Variants in LCE2A observed in about 807,000 individuals in gnomAD.
The protein encoded by LCE2A is late cornified envelope protein 2A.
For missense variants in LCE2A, 147 were observed against 137.6 expected, an observed-to-expected ratio of 1.07 and a Z score of -0.34; for synonymous variants, 65 against 52.5, an observed-to-expected ratio of 1.24 and a Z score of -1.03.
intron 1 of LCE2A, among the ~76,000 whole-genome samples, 178 bp from the exon 2 acceptor site, chr1:152,698,704 T>A (rs190445088): frequency 1.9e-3 from 288 of 152,304 alleles, no homozygotes; most frequent in Non-Finnish European, 3.2e-3. Flanking sequence ...TTTTCAAGTA[T>A]ATATTTTCAT....
Position 152,699,058 on chromosome 1 carries a change from G to A in LCE2A, c.157G>A (p.Gly53Ser), listed in dbSNP as rs763307251. The change falls in exon 2 of 2, where the codon GGC becomes AGC. Residue 53 changes from glycine to serine, a missense_variant. Transcript: ENST00000368779. ...CCGPSSGGCC[G>S]SSSGGCCSSG... is the part of the protein sequence containing the mutation. The stretch of plus-strand genomic sequence containing the variant: ...TGGTCCCAGCTCTGGGGGCTGCTGC[G>A]GCTCCAGCTCTGGGGGCTGCTGCAG... 18 of 1,612,104 alleles carry A rather than the reference G, an allele frequency of 1.1e-5. 1 individual carries two copies. Among genetic ancestry groups the A allele is most frequent in the African/African-American group, 9.4e-5 (7 of 74,616 alleles).
At position 152,699,001 on chromosome 1, in the gene LCE2A, G is replaced by A. The variant is rs749054230; in HGVS notation, c.100G>A (p.Ala34Thr). Residue 34 changes from alanine (A) to threonine (T), a missense_variant, in exon 2 of 2, where the codon GCC becomes ACC. Physicochemically the swap from Ala to Thr is moderately conservative, Grantham distance 58. Transcript: ENST00000368779. ...CPPKCRPQCP[A>T]PCPPPVSSCC... The stretch of plus-strand genomic sequence containing the variant: ...TCCAAAGTGCCGACCTCAGTGCCCA[G>A]CCCCATGCCCACCTCCAGTCTCTTC... The A allele has an allele frequency of 4.3e-6, 7 of 1,613,936 alleles. No individual in the cohort carries two copies. The highest frequency in any genetic ancestry group is 5.9e-6 in the Non-Finnish European group (7 of 1,180,020).
intron 1 of LCE2A, 127 bp from the exon 2 acceptor site, chr1:152,698,751 ATGTG>A (rs1649497959): frequency 1.4e-6 from 1 of 690,574 alleles, no homozygotes; most frequent in Non-Finnish European, 2.5e-6. Flanking sequence ...GTTGATATAT[ATGTG>A]TGTATGTGTA....
Position 152,698,925 on chromosome 1 carries a change from G to T in LCE2A, c.24G>T (p.Gln8His), listed in dbSNP as rs143843376. Residue 8 changes from glutamine to histidine, a missense_variant, in exon 2 of 2, where the codon CAG (glutamine) becomes CAT (histidine). By Grantham distance (24) the Gln-to-His change is conservative. Coordinates refer to ENST00000368779, the MANE Select transcript of LCE2A (RefSeq NM_178428.4). ...AGATGTCCTGCCAGCAAAACCAGCA[G>T]CAGTGCCAGCCCCCTCCCAAGTGCC... is the stretch of plus-strand genomic sequence containing the variant. Reference protein sequence around the residue: MSCQQNQQQCQPPPKCPP... With the variant: MSCQQNQHQCQPPPKCPP... 6 of 1,614,054 alleles carry T rather than the reference G, an allele frequency of 3.7e-6. No homozygotes were observed. In the African/African-American group the frequency reaches 8.0e-5, roughly 22 times the overall value.
rs983840806 is a variant in LCE2A, at chr1:152,698,946, G to C, written c.45G>C (p.Lys15Asn). 10 of 1,613,918 alleles carry C rather than the reference G, an allele frequency of 6.2e-6. No homozygotes were observed. The East Asian group carries it at 2.2e-4, about 36-fold the overall frequency. ...AGCAGCAGTGCCAGCCCCCTCCCAAGTGCCCCCCAAAATGCCCACCCAAGT... is the reference window on the plus strand; with the variant it reads ...AGCAGCAGTGCCAGCCCCCTCCCAACTGCCCCCCAAAATGCCCACCCAAGT... ...QNQQQCQPPP[K>N]CPPKCPPKCP... Residue 15 changes from lysine to asparagine, a missense_variant, in exon 2 of 2, where the codon AAG becomes AAC. By Grantham distance (94) the Lys-to-Asn change is moderately conservative (BLOSUM62 0). Transcript: ENST00000368779.
At chr1:152,698,793 A>C (rs1039244963) in intron 1 of LCE2A, 89 bp from the exon 2 acceptor site, 3 of 1,096,042 alleles carry the variant, frequency 2.7e-6, no homozygotes, top group Non-Finnish European at 4.1e-6. Context: ...AGTATTATTC[A>C]CCATCACCAT....
Position 152,699,310 on chromosome 1 carries a change from C to T in LCE2A, c.*88C>T, listed in dbSNP as rs539846185. The T allele has an allele frequency of 2.0e-6, 3 of 1,485,520 alleles. No homozygotes were observed. The highest frequency in any genetic ancestry group is 2.7e-5 in the South Asian group (2 of 74,578). 92.0% of individuals were successfully genotyped at this position (1,485,520 alleles called of 1,614,324 possible). A position where few individuals can be genotyped will look rare whatever the true frequency, so the allele number is the denominator to read the frequency against. On this transcript the variant is annotated 3_prime_UTR_variant, in exon 2 of 2. Transcript: ENST00000368779. The stretch of plus-strand genomic sequence containing the variant: ...AGTGATGCTTCTCCTGCCCCTTTTT[C>T]TCCTTTCCTTGGGCTGACACACCTT...
In LCE2A at chr1:152,698,911, C is replaced by T. The variant is rs550978337; in HGVS notation, c.10C>T (p.Gln4Ter). MSC[Q>*]QNQQQCQPPP... is the part of the protein sequence containing the mutation. ...AAAAAGTCGCACTGAGATGTCCTGC[C>T]AGCAAAACCAGCAGCAGTGCCAGCC... Residue 4 changes from glutamine (Q) to a stop codon, truncating the protein, a stop_gained, in exon 2 of 2, where the codon CAG becomes TAG. Transcript: ENST00000368779. LOFTEE classifies it low-confidence loss of function (END_TRUNC). 55 of 1,614,168 alleles carry T rather than the reference C, an allele frequency of 3.4e-5. No homozygotes were observed. Among genetic ancestry groups the T allele is most frequent in the Non-Finnish European group, 4.5e-5 (53 of 1,180,024 alleles).
intron 1 of LCE2A, 36 bp downstream of exon 1, chr1:152,698,430 A>G: frequency 5.9e-6 from 1 of 169,326 alleles, no homozygotes; most frequent in Non-Finnish European, 1.3e-5. Flanking sequence ...GGCACAGGGG[A>G]ATGGGAAGAT....
rs566647353 is a variant in LCE2A, at chr1:152,699,414, A to G, written c.*192A>G. On this transcript the variant is annotated 3_prime_UTR_variant, in exon 2 of 2. Coordinates refer to ENST00000368779, the MANE Select transcript of LCE2A (RefSeq NM_178428.4). ...TTACCTTCCCACTTTACCTCATACAACAATAAAGCTCTTTTGCCTCTTCGT... is the reference window on the plus strand; with the variant it reads ...TTACCTTCCCACTTTACCTCATACAGCAATAAAGCTCTTTTGCCTCTTCGT... 1 of 676,190 alleles carries G rather than the reference A, an allele frequency of 1.5e-6. No individual in the cohort carries two copies. Among genetic ancestry groups the G allele is most frequent in the Admixed American group, 3.0e-5 (1 of 33,046 alleles). 41.9% of individuals were successfully genotyped at this position (676,190 alleles called of 1,614,324 possible).
Position 152,699,168 on chromosome 1 carries a change from G to C in LCE2A, c.267G>C (p.Glu89Asp). The change falls in exon 2 of 2, where the codon GAG becomes GAC. Residue 89 changes from glutamate to aspartate, a missense_variant. Glu to Asp is a conservative substitution (Grantham distance 45, BLOSUM62 2). Coordinates refer to ENST00000368779, the MANE Select transcript of LCE2A (RefSeq NM_178428.4). ...GGCACCAGAGCCCCGATTGTTGTGA[G>C]TGTGAACCTTCTGGGGGCTCTGGCT... ...RHRHQSPDCCECEPSGGSGCC... is the reference protein window; with the variant it reads ...RHRHQSPDCCDCEPSGGSGCC... 1 of 1,613,982 alleles carries C rather than the reference G, an allele frequency of 6.2e-7. No individual in the cohort carries two copies. The highest frequency in any genetic ancestry group is 8.5e-7 in the Non-Finnish European group (1 of 1,179,962).
rs1299916523 is a variant in LCE2A at position 152,699,026 on chromosome 1, C to A, written c.125C>A (p.Ser42Tyr). The A allele has an allele frequency of 3.1e-6, 5 of 1,613,980 alleles. No individual in the cohort carries two copies. Among genetic ancestry groups the A allele is most frequent in the Non-Finnish European group, 4.2e-6 (5 of 1,180,004 alleles). Reference protein sequence around the residue: ...CPAPCPPPVSSCCGPSSGGCC... With the variant: ...CPAPCPPPVSYCCGPSSGGCC... ...GCCCCATGCCCACCTCCAGTCTCTT[C>A]CTGCTGTGGTCCCAGCTCTGGGGGC... Residue 42 changes from serine (S) to tyrosine (Y), a missense_variant, in exon 2 of 2, where the codon TCC becomes TAC. By Grantham distance (144) the Ser-to-Tyr change is moderately radical. Coordinates refer to ENST00000368779, the MANE Select transcript of LCE2A (RefSeq NM_178428.4).
rs559262976 is a variant in LCE2A, at chr1:152,699,340, G to A, written c.*118G>A. ...TTCCTTGGGCTGACACACCTTGTGA[G>A]GTGTTTTGTCTGTTGTCATGGCCCA... On this transcript the variant is annotated 3_prime_UTR_variant, in exon 2 of 2. Coordinates refer to ENST00000368779, the MANE Select transcript of LCE2A (RefSeq NM_178428.4). The A allele has an allele frequency of 6.1e-5, 81 of 1,327,398 alleles. No individual in the cohort carries two copies. In the Middle Eastern group the frequency reaches 1.7e-3, roughly 28 times the overall value. The allele number at this position is 1,327,398 out of a possible 1,614,324, so 82.2% of individuals were successfully genotyped here. A position where few individuals can be genotyped will look rare whatever the true frequency, so the allele number is the denominator to read the frequency against.
In LCE2A at chr1:152,698,951, C is replaced by T. The variant is rs775960253; in HGVS notation, c.50C>T (p.Pro17Leu). ...QQQCQPPPKC[P>L]PKCPPKCPPK... ...CAGTGCCAGCCCCCTCCCAAGTGCCCCCCAAAATGCCCACCCAAGTGTCCT... is the reference window on the plus strand; with the variant it reads ...CAGTGCCAGCCCCCTCCCAAGTGCCTCCCAAAATGCCCACCCAAGTGTCCT... Residue 17 changes from proline (P) to leucine (L), a missense_variant, in exon 2 of 2, where the codon CCC becomes CTC. Pro to Leu is a moderately conservative substitution (Grantham distance 98). Transcript: ENST00000368779. 6 of 1,614,170 alleles carry T rather than the reference C, an allele frequency of 3.7e-6. No individual in the cohort carries two copies. Among genetic ancestry groups the T allele is most frequent in the Non-Finnish European group, 5.1e-6 (6 of 1,180,028 alleles).
chr1:152,699,392 C>T lies in LCE2A; in HGVS notation c.*170C>T, dbSNP rs1649519930. 1 of 806,330 alleles carries T rather than the reference C, an allele frequency of 1.2e-6. No individual in the cohort carries two copies. Among genetic ancestry groups the T allele is most frequent in the Non-Finnish European group, 2.0e-6 (1 of 512,230 alleles). 49.9% of individuals were successfully genotyped at this position (806,330 alleles called of 1,614,324 possible). A position where few individuals can be genotyped will look rare whatever the true frequency, so the allele number is the denominator to read the frequency against. The stretch of plus-strand genomic sequence containing the variant: ...GAGCCCATCCTGGATCCTGATCTTA[C>T]CTTCCCACTTTACCTCATACAACAA... On this transcript the variant is annotated 3_prime_UTR_variant, in exon 2 of 2. Coordinates refer to ENST00000368779, the MANE Select transcript of LCE2A (RefSeq NM_178428.4).
rs746148207 is a variant in LCE2A, at chr1:152,699,200, A to G, written c.299A>G (p.His100Arg). The G allele has an allele frequency of 5.0e-6, 8 of 1,613,392 alleles. No individual in the cohort carries two copies. Among genetic ancestry groups the G allele is most frequent in the Non-Finnish European group, 6.8e-6 (8 of 1,179,730 alleles). Residue 100 changes from histidine to arginine, a missense_variant, in exon 2 of 2, where the codon CAC (histidine) becomes CGC (arginine). His to Arg is a conservative substitution (Grantham distance 29). Transcript: ENST00000368779. ...CEPSGGSGCC[H>R]SSGDCC ...CCTTCTGGGGGCTCTGGCTGCTGCC[A>G]CAGCTCTGGGGACTGCTGCTGACCA...
chr1:152,699,326 G>A lies in LCE2A; in HGVS notation c.*104G>A, dbSNP rs1649518039. The stretch of plus-strand genomic sequence containing the variant: ...CCCCTTTTTCTCCTTTCCTTGGGCT[G>A]ACACACCTTGTGAGGTGTTTTGTCT... On this transcript the variant is annotated 3_prime_UTR_variant, in exon 2 of 2. Transcript: ENST00000368779. The A allele has an allele frequency of 7.1e-7, 1 of 1,405,724 alleles. No homozygotes were observed. The highest frequency in any genetic ancestry group is 9.6e-7 in the Non-Finnish European group (1 of 1,036,320). 87.1% of individuals were successfully genotyped at this position (1,405,724 alleles called of 1,614,324 possible). A position where few individuals can be genotyped will look rare whatever the true frequency, so the allele number is the denominator to read the frequency against.
rs752265337 is a variant in LCE2A, at chr1:152,699,261, A to G, written c.*39A>G. ...ATCACAGAGCAACCCTTATGGAGAA[A>G]CTTGCAACCAGGACCTGTCCCAGAG... On this transcript the variant is annotated 3_prime_UTR_variant, in exon 2 of 2. Coordinates refer to ENST00000368779, the MANE Select transcript of LCE2A (RefSeq NM_178428.4). 1 of 1,578,414 alleles carries G rather than the reference A, an allele frequency of 6.3e-7. No individual in the cohort carries two copies. The highest frequency in any genetic ancestry group is 8.6e-7 in the Non-Finnish European group (1 of 1,161,184).
In LCE2A at chr1:152,698,881, G is replaced by T; in HGVS notation, c.-20-1G>T. 1 of 1,613,900 alleles carries T rather than the reference G, an allele frequency of 6.2e-7. No homozygotes were observed. The highest frequency in any genetic ancestry group is 8.5e-7 in the Non-Finnish European group (1 of 1,179,844). ...AAGGGTTTGACTATTTCGAATTTCAGGTTGAAAAAGTCGCACTGAGATGTC... is the reference window on the plus strand; with the variant it reads ...AAGGGTTTGACTATTTCGAATTTCATGTTGAAAAAGTCGCACTGAGATGTC... On this transcript the variant is annotated splice_acceptor_variant, in intron 1 of 1. Transcript: ENST00000368779. LOFTEE classifies it low-confidence loss of function (5UTR_SPLICE).
Sources: gnomAD v4.1 joint callset for allele counts (sites outside exome capture counted in the v4.1 genomes callset) on GRCh38, gnomAD v4.1.1 for gene constraint, MANE v1.5 for transcripts, NCBI Gene and HGNC (gene_info 2026-07-23, HGNC 2026-07-21) for gene names.